The following UBE2E1 variants were observed in gnomAD, a reference collection of about 807,000 sequenced individuals.
The protein encoded by UBE2E1 is ubiquitin-conjugating enzyme E2 E1.
A neutral mutation model predicts 21.4 loss-of-function variants in UBE2E1; 6 were observed. The observed-to-expected ratio is 0.28, with a 90% CI of 0.15 to 0.55. UBE2E1 has a LOEUF of 0.55. UBE2E1 is among the 20% of genes least tolerant of loss of function. The pLI, the probability that UBE2E1 is intolerant of heterozygous loss-of-function variation, is 0.93. For missense variants in UBE2E1, 142 were observed against 236.5 expected, an observed-to-expected ratio of 0.60 and a Z score of 2.62; for synonymous variants, 87 against 82.7, an observed-to-expected ratio of 1.05 and a Z score of -0.28.
At chr3:23,845,587 C>CTG (rs372552220) in intron 3 of UBE2E1, among the ~76,000 whole-genome samples, 16 of 115,548 alleles carry the variant, frequency 1.4e-4, no homozygotes, top group South Asian at 6.7e-4. Context: ...CTCTCTCTCT[C>CTG]TCTGTGTGTG....
rs1701279136 is a variant in UBE2E1, at chr3:23,889,142, AAT to A, written c.370_371del (p.Ile124Ter). 1 of 1,606,982 alleles carries A rather than the reference AAT, an allele frequency of 6.2e-7. No homozygotes were observed. Among genetic ancestry groups the A allele is most frequent in the Non-Finnish European group, 8.5e-7 (1 of 1,178,224 alleles). On this transcript the variant is annotated frameshift_variant, in exon 5 of 6. Coordinates refer to ENST00000306627, the MANE Select transcript of UBE2E1 (RefSeq NM_003341.5). LOFTEE classifies it high-confidence loss of function. ...VTFRTRIYHCNINSQGVICLD... is the reference protein window; with the variant it reads ...VTFRTRIYHCXINSQGVICLD... Reference sequence around the variant, plus strand: ...ATTTCGGACAAGAATCTATCATTGTAATATTAACAGTCAAGGTGTTATTTGCT... The same window carrying A: ...ATTTCGGACAAGAATCTATCATTGTAATTAACAGTCAAGGTGTTATTTGCT...
Position 23,807,338 on chromosome 3 carries a change from G to T in UBE2E1, c.69G>T (p.Glu23Asp). The change falls in exon 2 of 6, where the codon GAG becomes GAT. Residue 23 changes from glutamate (E) to aspartate (D), a missense_variant. Around this residue, in one of 2 missense-constraint regions of UBE2E1, gnomAD observed 55 missense variants for 51.5 expected, o/e 1.07. Coordinates refer to ENST00000306627, the MANE Select transcript of UBE2E1 (RefSeq NM_003341.5). Reference sequence around the variant, plus strand: ...CTTCGTCTTCCAACCAGCAAACCGAGAAAGAAACAAACACCCCCAAGAAGA... The same window carrying T: ...CTTCGTCTTCCAACCAGCAAACCGATAAAGAAACAAACACCCCCAAGAAGA... ...SSSSSSNQQT[E>D]KETNTPKKKE... The T allele has an allele frequency of 6.2e-7, 1 of 1,613,898 alleles. No individual in the cohort carries two copies. The highest frequency in any genetic ancestry group is 8.5e-7 in the Non-Finnish European group (1 of 1,179,964).
chr3:23,881,956 G>A lies in UBE2E1; in HGVS notation c.204-5611G>A, dbSNP rs140839986. The stretch of plus-strand genomic sequence containing the variant: ...GAGCTGTTCGTTCCTCCCGTCCGGA[G>A]TTGTTTATTCCTTCTGGTGGGTTCG... On this transcript the variant is annotated intron_variant, in intron 3 of 5. Coordinates refer to ENST00000306627, the MANE Select transcript of UBE2E1 (RefSeq NM_003341.5). Among the ~76,000 whole-genome samples the A allele has an allele frequency of 3.9e-3, 600 of 151,956 alleles. 5 individuals carry two copies. Among genetic ancestry groups the A allele is most frequent in the African/African-American group, 0.013 (538 of 41,408 alleles).
intron 3 of UBE2E1, among the ~76,000 whole-genome samples, chr3:23,818,561 T>G (rs1699575997): frequency 6.6e-6 from 1 of 152,164 alleles, no homozygotes; most frequent in Non-Finnish European, 1.5e-5. Flanking sequence ...CTCAGCAAAA[T>G]TACACCATGT....
Position 23,876,363 on chromosome 3 carries a change from C to T in UBE2E1, c.204-11204C>T, listed in dbSNP as rs565417415. Among the ~76,000 whole-genome samples, 65 of 152,294 alleles carry T rather than the reference C, an allele frequency of 4.3e-4. No individual in the cohort carries two copies. Among genetic ancestry groups the T allele is most frequent in the Non-Finnish European group, 7.6e-4 (52 of 68,030 alleles). On this transcript the variant is annotated intron_variant, in intron 3 of 5. Transcript: ENST00000306627. This position sits in a 1 kb window ranked among gnomAD's most constrained non-coding sequence, Gnocchi z 4.3. ...CATTTTTCAAGTTCCTTCTGCCACT[C>T]GCTTCTAGGTTACAAAAGGTTACTG...
At chr3:23,886,845 G>A (rs534844306) in intron 3 of UBE2E1, among the ~76,000 whole-genome samples, 2 of 152,156 alleles carry the variant, frequency 1.3e-5, no homozygotes, top group Non-Finnish European at 1.5e-5. Flanking sequence ...TGCTGGGTGC[G>A]GTGGCACTCT....
Position 23,887,488 on chromosome 3 carries a change from A to ATCTT in UBE2E1, c.204-76_204-73dup, listed in dbSNP as rs1185218554. 6 of 1,490,526 alleles carry ATCTT rather than the reference A, an allele frequency of 4.0e-6. No homozygotes were observed. In the African/African-American group the frequency reaches 8.4e-5, roughly 21 times the overall value. The allele number at this position is 1,490,526 out of a possible 1,614,324, so 92.3% of individuals were successfully genotyped here. On this transcript the variant is annotated intron_variant, in intron 3 of 5. Transcript: ENST00000306627. The surrounding 1 kb of genome is among the most constrained non-coding windows in gnomAD (Gnocchi z 4.4). ...GTAAACAAAAGAGAGGAGAGAGGTAATCTTTCCATCTCTTTTAATACACTG... is the reference window on the plus strand; with the variant it reads ...GTAAACAAAAGAGAGGAGAGAGGTAATCTTTCTTTCCATCTCTTTTAATACACTG...
intron 3 of UBE2E1, among the ~76,000 whole-genome samples, chr3:23,886,776 T>C (rs76411357): frequency 0.017 from 2,523 of 152,338 alleles, 36 homozygotes; most frequent in African/African-American, 0.037. Context: ...TACATGGGCA[T>C]TCAGTAAGTG....
At chr3:23,813,895 T>C (rs995312008) in intron 3 of UBE2E1, among the ~76,000 whole-genome samples, 5 of 152,220 alleles carry the variant, frequency 3.3e-5, no homozygotes, top group Admixed American at 2.0e-4. Flanking sequence ...TTAAGTGATA[T>C]ATTAAGTGCG....
chr3:23,889,969 T>A (rs1464066506), intron 5 of UBE2E1: 1 of 155,198 alleles, frequency 6.4e-6, no homozygotes, highest in African/African-American at 2.4e-5. Context: ...GTAAACCAAA[T>A]ATAAATTTAT....
chr3:23,836,854 T>A lies in UBE2E1; in HGVS notation c.203+25344T>A, dbSNP rs1699985013. On this transcript the variant is annotated intron_variant, in intron 3 of 5. Coordinates refer to ENST00000306627, the MANE Select transcript of UBE2E1 (RefSeq NM_003341.5). This position sits in a 1 kb window ranked among gnomAD's most constrained non-coding sequence, Gnocchi z 4.1. The stretch of plus-strand genomic sequence containing the variant: ...CACACTATGATTGATCTAGTTTATG[T>A]TCTCTTTGTGCTAGATGGTGGCATC... Among the ~76,000 whole-genome samples, 1 of 152,226 alleles carries A rather than the reference T, an allele frequency of 6.6e-6. No individual in the cohort carries two copies. Among genetic ancestry groups the A allele is most frequent in the African/African-American group, 2.4e-5 (1 of 41,468 alleles).
rs975025913 is a variant in UBE2E1, at chr3:23,891,468, A to G, written c.*862A>G. ...CTATATTAGGATCTGTACTTTACAC[A>G]GCTGTAGATGAGGTATCCTAGAAAA... On this transcript the variant is annotated 3_prime_UTR_variant, in exon 6 of 6. Coordinates refer to ENST00000306627, the MANE Select transcript of UBE2E1 (RefSeq NM_003341.5). 2.6e-5 allele frequency among the ~76,000 whole-genome samples: 4 copies of G among 152,230 alleles called. No homozygotes were observed. The highest frequency in any genetic ancestry group is 7.2e-5 in the African/African-American group (3 of 41,454).
intron 3 of UBE2E1, among the ~76,000 whole-genome samples, chr3:23,878,306 A>T (rs1193961109): frequency 6.6e-6 from 1 of 152,222 alleles, no homozygotes; most frequent in Non-Finnish European, 1.5e-5. Flanking sequence ...GCATTTGTCA[A>T]AATCAGACCA....
intron 3 of UBE2E1, among the ~76,000 whole-genome samples, chr3:23,875,893 C>T (rs1319036452): frequency 6.6e-6 from 1 of 152,230 alleles, no homozygotes; most frequent in Non-Finnish European, 1.5e-5. Context: ...CTGCCTCACC[C>T]TTCTGAGTAG....
In UBE2E1 at chr3:23,863,068, A is replaced by C. The variant is rs868679427; in HGVS notation, c.204-24499A>C. On this transcript the variant is annotated intron_variant, in intron 3 of 5. Coordinates refer to ENST00000306627, the MANE Select transcript of UBE2E1 (RefSeq NM_003341.5). The surrounding 1 kb of genome is among the most constrained non-coding windows in gnomAD (Gnocchi z 4.3). ...TCTTTGTTTGTTAAAAAAAAAAAAA[A>C]AAACTATTCCCAGCATTTTGCTCTC... is the stretch of plus-strand genomic sequence containing the variant. Among the ~76,000 whole-genome samples, 1 of 151,854 alleles carries C rather than the reference A, an allele frequency of 6.6e-6. No individual in the cohort carries two copies.
At chr3:23,885,919 C>CT in intron 3 of UBE2E1, among the ~76,000 whole-genome samples, 1 of 150,884 alleles carries the variant, frequency 6.6e-6, no homozygotes, top group African/African-American at 2.4e-5. Flanking sequence ...CTAAAACAAA[C>CT]TTTTTGGTGG....
At chr3:23,825,736 A>ATT (rs1699743925) in intron 3 of UBE2E1, among the ~76,000 whole-genome samples, 1 of 152,168 alleles carries the variant, frequency 6.6e-6, no homozygotes, top group South Asian at 2.1e-4. Flanking sequence ...GGCTGGACAT[A>ATT]GTGAATGAGG....
At position 23,870,359 on chromosome 3, in the gene UBE2E1, A is replaced by AG. The variant is rs1307814127; in HGVS notation, c.204-17205dup. Among the ~76,000 whole-genome samples, 1 of 152,204 alleles carries AG rather than the reference A, an allele frequency of 6.6e-6. No homozygotes were observed. The highest frequency in any genetic ancestry group is 2.4e-5 in the African/African-American group (1 of 41,454). On this transcript the variant is annotated intron_variant, in intron 3 of 5. Coordinates refer to ENST00000306627, the MANE Select transcript of UBE2E1 (RefSeq NM_003341.5). This position sits in a 1 kb window ranked among gnomAD's most constrained non-coding sequence, Gnocchi z 4.2. Reference sequence around the variant, plus strand: ...TTAAATATCACCAGCCCATATTCAGAGGGAGGGGAATTAGACTCTGCCTCT... The same window carrying AG: ...TTAAATATCACCAGCCCATATTCAGAGGGGAGGGGAATTAGACTCTGCCTCT...
chr3:23,866,434 A>G (rs1317059908), intron 3 of UBE2E1: 1 of 152,270 alleles, frequency 6.6e-6, no homozygotes, highest in African/African-American at 2.4e-5. Flanking sequence ...AGTGAAGTGG[A>G]TCTGAATTCC....
Sources: gnomAD v4.1 joint callset for allele counts (sites outside exome capture counted in the v4.1 genomes callset) on GRCh38, gnomAD v4.1.1 for gene constraint, gnomAD v4.1.1 regional missense constraint, Gnocchi (gnomAD v3.1) non-coding constraint, MANE v1.5 for transcripts, NCBI Gene and HGNC (gene_info 2026-07-23, HGNC 2026-07-21) for gene names.